Variants in RAB38 observed in about 807,000 individuals in gnomAD.
RAB38 encodes the protein ras-related protein Rab-38.
Under a neutral mutation model 18.4 loss-of-function variants are expected in RAB38, and 15 were observed. The observed-to-expected ratio is 0.82, with a 90% CI of 0.55 to 1.26. The LOEUF (loss-of-function observed/expected upper bound fraction) is 1.26. Among genes scored for constraint, RAB38 ranks in the 50% most tolerant of loss-of-function variants. The pLI is 0.00. For synonymous variants in RAB38, 101 were observed against 104.4 expected, an observed-to-expected ratio of 0.97 and a Z score of 0.20; for missense variants, 294 against 267.4, an observed-to-expected ratio of 1.10 and a Z score of -0.69.
At chr11:87,914,508 A>G in the RAB38 span, among the ~76,000 whole-genome samples, 1 of 152,172 alleles carries the variant, frequency 6.6e-6, no homozygotes. Context: ...TTATGGGAGC[A>G]AAGAAATGAC....
At chr11:87,962,378 AG>A in the RAB38 span, among the ~76,000 whole-genome samples, 2 of 152,156 alleles carry the variant, frequency 1.3e-5, no homozygotes, top group South Asian at 4.1e-4. Flanking sequence ...AAGTAAAATT[AG>A]CCAGGCACAA....
the RAB38 span, among the ~76,000 whole-genome samples, chr11:87,977,540 TTATTA>T: frequency 8.6e-6 from 1 of 116,740 alleles, no homozygotes; most frequent in East Asian, 2.5e-4. Context: ...AATTATATCA[TTATTA>T]TATAATATAA....
chr11:87,928,759 T>C, the RAB38 span, among the ~76,000 whole-genome samples: 1 of 152,004 alleles, frequency 6.6e-6, no homozygotes, highest in African/African-American at 2.4e-5. Flanking sequence ...TTTCTTAATA[T>C]GAAAATAAAA....
the RAB38 span, among the ~76,000 whole-genome samples, chr11:88,097,305 A>G: frequency 2.6e-5 from 4 of 151,936 alleles, no homozygotes; most frequent in African/African-American, 9.7e-5. Flanking sequence ...TTTAGCATCT[A>G]CCTGATTGTG....
At chr11:88,018,944 A>T in the RAB38 span, among the ~76,000 whole-genome samples, 1 of 133,594 alleles carries the variant, frequency 7.5e-6, no homozygotes, top group Non-Finnish European at 1.7e-5. Context: ...AATTATTCCC[A>T]TTTTTAAAAC....
chr11:87,830,572 ACCTTATTTTATTT>A, the RAB38 span, among the ~76,000 whole-genome samples: 16 of 152,062 alleles, frequency 1.1e-4, no homozygotes, highest in South Asian at 3.3e-3. Flanking sequence ...TACATGAATT[ACCTTATTTTATTT>A]CCCACAACAA....
chr11:87,969,532 C>T, the RAB38 span, among the ~76,000 whole-genome samples: 1 of 152,070 alleles, frequency 6.6e-6, no homozygotes, highest in Non-Finnish European at 1.5e-5. Flanking sequence ...TTCAAAACCT[C>T]CTTAATTTAT....
chr11:88,131,884 G>C (rs1035433553), intron 2 of RAB38, among the ~76,000 whole-genome samples: 4 of 152,142 alleles, frequency 2.6e-5, no homozygotes, highest in Non-Finnish European at 5.9e-5. Flanking sequence ...CCTTGAAGAG[G>C]TAAGCTGCCA....
chr11:88,156,253 G>A (rs1234780070), intron 1 of RAB38, among the ~76,000 whole-genome samples: 1 of 152,214 alleles, frequency 6.6e-6, no homozygotes, highest in South Asian at 2.1e-4. Flanking sequence ...CAATGCTAAA[G>A]AAAAGAATCT....
the RAB38 span, among the ~76,000 whole-genome samples, chr11:88,101,915 A>C: frequency 2.0e-5 from 3 of 151,920 alleles, no homozygotes; most frequent in African/African-American, 7.2e-5. Flanking sequence ...TATTAATTGT[A>C]ATTCTAGTGG....
At chr11:87,896,631 T>C in the RAB38 span, among the ~76,000 whole-genome samples, 1,876 of 151,742 alleles carry the variant, frequency 0.012, 37 homozygotes, top group African/African-American at 0.043. Context: ...AGAGAATTGG[T>C]TGTCTTTTAG....
At chr11:87,842,206 G>A in the RAB38 span, among the ~76,000 whole-genome samples, 5 of 152,314 alleles carry the variant, frequency 3.3e-5, no homozygotes, top group Admixed American at 2.6e-4. Context: ...AATAAATAAT[G>A]TGAAGGGAGA....
At chr11:87,870,041 A>T in the RAB38 span, among the ~76,000 whole-genome samples, 2 of 151,722 alleles carry the variant, frequency 1.3e-5, no homozygotes, top group East Asian at 3.9e-4. Context: ...AATATTGTTC[A>T]TCTTAATATT....
chr11:88,041,134 G>T, the RAB38 span, among the ~76,000 whole-genome samples: 1 of 152,082 alleles, frequency 6.6e-6, no homozygotes, highest in Non-Finnish European at 1.5e-5. Flanking sequence ...AATCTTATCT[G>T]TACTCCAAGA....
chr11:87,918,365 CT>C, the RAB38 span, among the ~76,000 whole-genome samples: 1 of 152,116 alleles, frequency 6.6e-6, no homozygotes, highest in Non-Finnish European at 1.5e-5. Context: ...ACAGATCTCT[CT>C]TCTACATACT....
At chr11:88,076,976 G>GAAACA in the RAB38 span, among the ~76,000 whole-genome samples, 1 of 58,098 alleles carries the variant, frequency 1.7e-5, no homozygotes, top group Non-Finnish European at 3.4e-5. Context: ...AAAAAAAAAA[G>GAAACA]AAAGAAAGAA....
the RAB38 span, among the ~76,000 whole-genome samples, chr11:88,023,439 G>A: frequency 6.6e-6 from 1 of 151,266 alleles, no homozygotes; most frequent in African/African-American, 2.4e-5. Context: ...TTAATGGACT[G>A]GAAGAATCAA....
intron 2 of RAB38, among the ~76,000 whole-genome samples, chr11:88,147,970 A>G (rs1943012609): frequency 6.6e-6 from 1 of 152,132 alleles, no homozygotes; most frequent in Non-Finnish European, 1.5e-5. Context: ...ACTTAATCAT[A>G]CCTTTCAGTT....
the RAB38 span, among the ~76,000 whole-genome samples, chr11:87,937,028 T>G: frequency 3.9e-5 from 6 of 152,012 alleles, no homozygotes. Context: ...GTGGTTAGAA[T>G]GGATATCCTT....
Sources: gnomAD v4.1 joint callset for allele counts (sites outside exome capture counted in the v4.1 genomes callset) on GRCh38, gnomAD v4.1.1 for gene constraint, MANE v1.5 for transcripts, NCBI Gene and HGNC (gene_info 2026-07-23, HGNC 2026-07-21) for gene names.